KCNQ1: variants seen among roughly 807,000 people sequenced by gnomAD.
The protein encoded by KCNQ1 is potassium voltage-gated channel subfamily Q member 1.
A neutral mutation model predicts 72.4 loss-of-function variants in KCNQ1; 49 were observed. That is an observed-to-expected ratio of 0.68 (90% CI 0.54 to 0.86). The LOEUF is 0.86. Ranked by LOEUF, KCNQ1 falls within the 40% of genes least tolerant of loss-of-function variation. The pLI is 0.00. For synonymous variants in KCNQ1, 450 were observed against 412.6 expected, an observed-to-expected ratio of 1.09 and a Z score of -1.10; for missense variants, 790 against 945.1, an observed-to-expected ratio of 0.84 and a Z score of 2.15.
At position 2,679,062 on chromosome 11, in the gene KCNQ1, A is replaced by G; in HGVS notation, c.1514+16981A>G. 2.5e-6 allele frequency: 1 copy of G among 398,646 alleles called. No individual in the cohort carries two copies. The highest frequency in any genetic ancestry group is 4.4e-5 in the Admixed American group (1 of 22,736). The allele number at this position is 398,646 out of a possible 1,614,324, so 24.7% of individuals were successfully genotyped here. A position where few individuals can be genotyped will look rare whatever the true frequency, so the allele number is the denominator to read the frequency against. The stretch of plus-strand genomic sequence containing the variant: ...CCCTCCTCCATACCAACCACCAAAA[A>G]AACCCACTAACACCATAAAGTGTCA... On this transcript the variant is annotated intron_variant, in intron 11 of 15. Coordinates refer to ENST00000155840, the MANE Select transcript of KCNQ1 (RefSeq NM_000218.3). The surrounding 1 kb of genome is among the most constrained non-coding windows in gnomAD (Gnocchi z 4.8).
At position 2,463,619 on chromosome 11, in the gene KCNQ1, G is replaced by A. The variant is rs1195888484; in HGVS notation, c.386+18135G>A. On this transcript the variant is annotated intron_variant, in intron 1 of 15. Coordinates refer to ENST00000155840, the MANE Select transcript of KCNQ1 (RefSeq NM_000218.3). The surrounding 1 kb of genome is among the most constrained non-coding windows in gnomAD (Gnocchi z 7.0). ...TCCGGGGACTGGGGCTGGGGCTGGG[G>A]CAGCTGTGTTTATGGGTGTACTCCC... Among the ~76,000 whole-genome samples, 1 of 152,190 alleles carries A rather than the reference G, an allele frequency of 6.6e-6. No individual in the cohort carries two copies. Among genetic ancestry groups the A allele is most frequent in the Non-Finnish European group, 1.5e-5 (1 of 68,024 alleles).
chr11:2,716,723 C>T (rs754941671), intron 11 of KCNQ1, among the ~76,000 whole-genome samples: 2 of 152,278 alleles, frequency 1.3e-5, no homozygotes, highest in Non-Finnish European at 1.5e-5. Context: ...AAGGCACGGG[C>T]AGCGCGGTGC....
intron 2 of KCNQ1, among the ~76,000 whole-genome samples, chr11:2,556,818 G>C (rs751491783): frequency 4.6e-5 from 7 of 152,202 alleles, no homozygotes; most frequent in Non-Finnish European, 7.3e-5. Context: ...TGAGGAACCA[G>C]TGAAATGAGA....
rs1462240116 is a variant in KCNQ1, at chr11:2,491,567, A to G, written c.387-36361A>G. 1.3e-5 allele frequency among the ~76,000 whole-genome samples: 2 copies of G among 152,218 alleles called. No homozygotes were observed. Among genetic ancestry groups the G allele is most frequent in the African/African-American group, 2.4e-5 (1 of 41,446 alleles). ...GAGACAGAATAAGAACGAATGAAGC[A>G]TGATCTAGAAAATAGCCTCAAAAGG... is the stretch of plus-strand genomic sequence containing the variant. On this transcript the variant is annotated intron_variant, in intron 1 of 15. Transcript: ENST00000155840. The surrounding 1 kb of genome is among the most constrained non-coding windows in gnomAD (Gnocchi z 4.1).
At chr11:2,616,510 G>A (rs969143940) in intron 10 of KCNQ1, 2 of 397,358 alleles carry the variant, frequency 5.0e-6, no homozygotes, top group Non-Finnish European at 8.9e-6. Context: ...TTCTTTTTCA[G>A]TGTGGGCATT....
chr11:2,665,675 G>T (rs533811797), intron 11 of KCNQ1: 6 of 397,794 alleles, frequency 1.5e-5, no homozygotes, highest in African/African-American at 4.1e-5. Context: ...TAAGCCTTTC[G>T]AATGGTGCCA....
At chr11:2,465,087 G>A (rs555875191) in intron 1 of KCNQ1, among the ~76,000 whole-genome samples, 12 of 152,254 alleles carry the variant, frequency 7.9e-5, no homozygotes, top group African/African-American at 2.4e-4. Flanking sequence ...TGCTTAGACC[G>A]CACCGAGAAA....
Position 2,654,752 on chromosome 11 carries a change from C to G in KCNQ1, c.1394-7209C>G, listed in dbSNP as rs1001610394. The G allele has an allele frequency of 2.5e-6, 1 of 398,410 alleles. No individual in the cohort carries two copies. Among genetic ancestry groups the G allele is most frequent in the Non-Finnish European group, 4.4e-6 (1 of 226,194 alleles). 24.7% of individuals were successfully genotyped at this position (398,410 alleles called of 1,614,324 possible). A position where few individuals can be genotyped will look rare whatever the true frequency, so the allele number is the denominator to read the frequency against. On this transcript the variant is annotated intron_variant, in intron 10 of 15. Coordinates refer to ENST00000155840, the MANE Select transcript of KCNQ1 (RefSeq NM_000218.3). This position sits in a 1 kb window ranked among gnomAD's most constrained non-coding sequence, Gnocchi z 6.4. The stretch of plus-strand genomic sequence containing the variant: ...TCTGGGCAGGGAGGGGTCTGGGGCT[C>G]GATGAGAAGGCAGAGGAAGTGAGAC...
In KCNQ1 at chr11:2,748,640, G is replaced by C. The variant is rs2133960019; in HGVS notation, c.1515-20204G>C. 6.6e-6 allele frequency among the ~76,000 whole-genome samples: 1 copy of C among 152,336 alleles called. No individual in the cohort carries two copies. Among genetic ancestry groups the C allele is most frequent in the South Asian group, 2.1e-4 (1 of 4,824 alleles). ...AATGTGGGGGCTCAGAGGCCACCCAGAGCCCACAGCAGGGACTCCCCACGC... is the reference window on the plus strand; with the variant it reads ...AATGTGGGGGCTCAGAGGCCACCCACAGCCCACAGCAGGGACTCCCCACGC... On this transcript the variant is annotated intron_variant, in intron 11 of 15. Coordinates refer to ENST00000155840, the MANE Select transcript of KCNQ1 (RefSeq NM_000218.3). The surrounding 1 kb of genome is among the most constrained non-coding windows in gnomAD (Gnocchi z 6.2).
At chr11:2,794,643 A>G (rs1847096082) in intron 15 of KCNQ1, among the ~76,000 whole-genome samples, 1 of 152,140 alleles carries the variant, frequency 6.6e-6, no homozygotes, top group African/African-American at 2.4e-5. Flanking sequence ...CAGATGCCGC[A>G]TGGAGGGGCG....
In KCNQ1 at chr11:2,481,902, G is replaced by A. The variant is rs1290533458; in HGVS notation, c.386+36418G>A. Reference sequence around the variant, plus strand: ...ACAATGTAATAATAGTAGAAATAAAGTGCCCAATGCAAGTAATGTGCTTGA... The same window carrying A: ...ACAATGTAATAATAGTAGAAATAAAATGCCCAATGCAAGTAATGTGCTTGA... On this transcript the variant is annotated intron_variant, in intron 1 of 15. Coordinates refer to ENST00000155840, the MANE Select transcript of KCNQ1 (RefSeq NM_000218.3). The surrounding 1 kb of genome is among the most constrained non-coding windows in gnomAD (Gnocchi z 4.6). 6.6e-6 allele frequency among the ~76,000 whole-genome samples: 1 copy of A among 152,190 alleles called. No homozygotes were observed. The highest frequency in any genetic ancestry group is 1.5e-5 in the Non-Finnish European group (1 of 68,046).
rs958128799 is a variant in KCNQ1, at chr11:2,723,687, TG to T, written c.1515-45155del. Among the ~76,000 whole-genome samples the T allele has an allele frequency of 6.6e-6, 1 of 152,072 alleles. No homozygotes were observed. The highest frequency in any genetic ancestry group is 6.5e-5 in the Admixed American group (1 of 15,274). ...GGCAGGTGGACTGGTCCGAGCTGAG[TG>T]GTCTAGGATGGCCTTGCTCCCGGAG... On this transcript the variant is annotated intron_variant, in intron 11 of 15. Transcript: ENST00000155840. This position sits in a 1 kb window ranked among gnomAD's most constrained non-coding sequence, Gnocchi z 4.2.
intron 1 of KCNQ1, chr11:2,461,506 G>A (rs752709150): frequency 1.6e-4 from 213 of 1,318,022 alleles, no homozygotes; most frequent in Non-Finnish European, 2.0e-4. Flanking sequence ...CTGTCTTTGC[G>A]CCTGCACATG....
Position 2,640,008 on chromosome 11 carries a change from G to T in KCNQ1, c.1394-21953G>T, listed in dbSNP as rs143627693. On this transcript the variant is annotated intron_variant, in intron 10 of 15. Coordinates refer to ENST00000155840, the MANE Select transcript of KCNQ1 (RefSeq NM_000218.3). ...CATGGGCGTGGGACCCTCCGAGCCA[G>T]GCGCGGGATATAATCTCCTGGTGTG... 5.0e-3 allele frequency: 793 copies of T among 157,948 alleles called. 6 individuals carry two copies. The highest frequency in any genetic ancestry group is 0.043 in the South Asian group (209 of 4,894). The allele number at this position is 157,948 out of a possible 1,614,324, so 9.8% of individuals were successfully genotyped here.
rs1849600750 is a variant in KCNQ1, at chr11:2,642,813, C to T, written c.1394-19148C>T. ...GGAGGCATTTATTACAATAAACTTT[C>T]CTCTTAGCATTGCTTTTGCAGTATC... On this transcript the variant is annotated intron_variant, in intron 10 of 15. Coordinates refer to ENST00000155840, the MANE Select transcript of KCNQ1 (RefSeq NM_000218.3). This position sits in a 1 kb window ranked among gnomAD's most constrained non-coding sequence, Gnocchi z 4.3. 1 of 397,630 alleles carries T rather than the reference C, an allele frequency of 2.5e-6. No individual in the cohort carries two copies. Among genetic ancestry groups the T allele is most frequent in the Admixed American group, 4.4e-5 (1 of 22,678 alleles). The allele number at this position is 397,630 out of a possible 1,614,324, so 24.6% of individuals were successfully genotyped here.
At chr11:2,666,103 T>C in intron 11 of KCNQ1, 1 of 398,598 alleles carries the variant, frequency 2.5e-6, no homozygotes, top group East Asian at 3.6e-5. Context: ...AGCCCAGTCA[T>C]GTGGTTTCTC....
In KCNQ1 at chr11:2,486,538, C is replaced by T. The variant is rs910993903; in HGVS notation, c.386+41054C>T. Among the ~76,000 whole-genome samples the T allele has an allele frequency of 6.6e-6, 1 of 152,108 alleles. No individual in the cohort carries two copies. The highest frequency in any genetic ancestry group is 6.5e-5 in the Admixed American group (1 of 15,268). The stretch of plus-strand genomic sequence containing the variant: ...CTACTTTTTGTTTTGTTGCCTGTGC[C>T]TTTGGTCTTTGTGTTAGTCCATTTA... On this transcript the variant is annotated intron_variant, in intron 1 of 15. Transcript: ENST00000155840. The surrounding 1 kb of genome is among the most constrained non-coding windows in gnomAD (Gnocchi z 5.0).
chr11:2,654,420 T>A lies in KCNQ1; in HGVS notation c.1394-7541T>A, dbSNP rs1849805282. ...GCCTGTGCCAAACCCTGGGGAGACATGGGTGAGGCAGAAGGCAAGGTTCCC... is the reference window on the plus strand; with the variant it reads ...GCCTGTGCCAAACCCTGGGGAGACAAGGGTGAGGCAGAAGGCAAGGTTCCC... On this transcript the variant is annotated intron_variant, in intron 10 of 15. Transcript: ENST00000155840. The surrounding 1 kb of genome is among the most constrained non-coding windows in gnomAD (Gnocchi z 6.4). 2 of 397,922 alleles carry A rather than the reference T, an allele frequency of 5.0e-6. No homozygotes were observed. Among genetic ancestry groups the A allele is most frequent in the Admixed American group, 8.8e-5 (2 of 22,682 alleles). 24.6% of individuals were successfully genotyped at this position (397,922 alleles called of 1,614,324 possible).
chr11:2,732,214 T>G (rs1231489469), intron 11 of KCNQ1, among the ~76,000 whole-genome samples: 3 of 152,236 alleles, frequency 2.0e-5, no homozygotes, highest in African/African-American at 7.2e-5. Context: ...TGCTTGGTCT[T>G]GCCTCAGGAG....
Sources: allele counts gnomAD v4.1 joint callset (sites outside exome capture counted in the v4.1 genomes callset), GRCh38; gene constraint gnomAD v4.1.1; non-coding constraint Gnocchi (gnomAD v3.1); transcripts MANE v1.5; gene names NCBI Gene and HGNC (gene_info 2026-07-23, HGNC 2026-07-21).